CEP89: variants seen among roughly 807,000 people sequenced by gnomAD.
CEP89 encodes centrosomal protein of 89 kDa.
CEP89 carries 95 observed loss-of-function variants against 97.6 expected under a neutral mutation model. The observed-to-expected ratio is 0.97, with a 90% CI of 0.82 to 1.15. CEP89 has a LOEUF of 1.15. CEP89 is among the 50% of genes most tolerant of loss of function. CEP89 has a pLI of 0.00. For synonymous variants in CEP89, 354 were observed against 349.1 expected, an observed-to-expected ratio of 1.01 and a Z score of -0.16; for missense variants, 869 against 947.7, an observed-to-expected ratio of 0.92 and a Z score of 1.09.
In CEP89 at chr19:32,918,364, T is replaced by C. The variant is rs1970174890; in HGVS notation, c.1269-25A>G. On this transcript the variant is annotated intron_variant, in intron 12 of 18. Coordinates refer to ENST00000305768, the MANE Select transcript of CEP89 (RefSeq NM_032816.5). ...CCTGCAATTGATTTACAAGATGAAA[T>C]ACTGTGATTCAGGTGCTGAATGGTT... 4 of 1,542,436 alleles carry C rather than the reference T, an allele frequency of 2.6e-6. No homozygotes were observed. In the African/African-American group the frequency reaches 5.4e-5, roughly 21 times the overall value.
chr19:32,961,571 T>C (rs1599782080), intron 2 of CEP89, among the ~76,000 whole-genome samples: 1 of 103,054 alleles, frequency 9.7e-6, no homozygotes, highest in African/African-American at 4.3e-5. Flanking sequence ...AGAGCGAGAC[T>C]CCATCTCAAA....
chr19:32,915,349 T>C lies in CEP89; in HGVS notation c.1553A>G (p.Asn518Ser). 6.3e-7 allele frequency: 1 copy of C among 1,594,618 alleles called. No individual in the cohort carries two copies. The highest frequency in any genetic ancestry group is 8.5e-7 in the Non-Finnish European group (1 of 1,174,388). Residue 518 changes from asparagine to serine, a missense_variant, in exon 14 of 19, where the codon AAT (asparagine) becomes AGT (serine). Asn to Ser is a conservative substitution (Grantham distance 46, BLOSUM62 1). Coordinates refer to ENST00000305768, the MANE Select transcript of CEP89 (RefSeq NM_032816.5). ...ATTAAATCCTTACCTTTTTAATTCATTCACAATTGATTTATGAACTTCCAC... is the reference window on the plus strand; with the variant it reads ...ATTAAATCCTTACCTTTTTAATTCACTCACAATTGATTTATGAACTTCCAC... ...IAVEVHKSIV[N>S]ELKSQLQKEE...
intron 13 of CEP89, among the ~76,000 whole-genome samples, 162 bp downstream of exon 13, chr19:32,918,062 G>A (rs758388708): frequency 1.5e-4 from 23 of 152,186 alleles, no homozygotes; most frequent in Non-Finnish European, 2.6e-4. Flanking sequence ...TATGCATTGA[G>A]GGTAGTGACG....
chr19:32,937,063 C>T (rs567425286), intron 7 of CEP89: 1 of 156,400 alleles, frequency 6.4e-6, no homozygotes, highest in East Asian at 1.9e-4. Flanking sequence ...CACACTGGCA[C>T]CACAGACATT....
At position 32,953,702 on chromosome 19, in the gene CEP89, G is replaced by C; in HGVS notation, c.405C>G (p.Ser135=). The stretch of plus-strand genomic sequence containing the variant: ...TGACATCCCCCAATTCCTTGCCGCT[G>C]GATGACAGCTGAGTTTCAATGTCCT... The part of the protein sequence containing the change: ...DEEDIETQLS[S]SGKELGDVSA... The change falls in exon 4 of 19, where the codon TCC becomes TCG. Residue 135 remains serine (S), a synonymous_variant. Transcript: ENST00000305768. The C allele has an allele frequency of 3.1e-6, 5 of 1,613,990 alleles. No individual in the cohort carries two copies. Among genetic ancestry groups the C allele is most frequent in the Non-Finnish European group, 4.2e-6 (5 of 1,179,928 alleles).
At chr19:32,882,269 A>G (rs1969299960) in intron 17 of CEP89, among the ~76,000 whole-genome samples, 1 of 152,246 alleles carries the variant, frequency 6.6e-6, no homozygotes, top group African/African-American at 2.4e-5. Flanking sequence ...AAATGAAAAC[A>G]TAAAATATCA....
At chr19:32,943,088 G>A (rs1970722823) in intron 5 of CEP89, among the ~76,000 whole-genome samples, 1 of 152,040 alleles carries the variant, frequency 6.6e-6, no homozygotes, top group African/African-American at 2.4e-5. Context: ...GCCTCCAGCT[G>A]CCAGGCTCAA....
chr19:32,946,537 TTAAG>T (rs1970801508), intron 5 of CEP89, among the ~76,000 whole-genome samples: 1 of 152,164 alleles, frequency 6.6e-6, no homozygotes, highest in South Asian at 2.1e-4. Flanking sequence ...GGGAGCACAA[TTAAG>T]TGTGTTTAGC....
chr19:32,879,139 T>A lies in CEP89; in HGVS notation c.*23A>T. Reference sequence around the variant, plus strand: ...GCAGACCTTTCAGGCCAGAGGAGGCTACACCACGGGCTCCCGCAGATTCTA... The same window carrying A: ...GCAGACCTTTCAGGCCAGAGGAGGCAACACCACGGGCTCCCGCAGATTCTA... On this transcript the variant is annotated 3_prime_UTR_variant, in exon 19 of 19. Coordinates refer to ENST00000305768, the MANE Select transcript of CEP89 (RefSeq NM_032816.5). 6.3e-7 allele frequency: 1 copy of A among 1,580,632 alleles called. No individual in the cohort carries two copies. The highest frequency in any genetic ancestry group is 8.6e-7 in the Non-Finnish European group (1 of 1,160,248).
intron 14 of CEP89, among the ~76,000 whole-genome samples, chr19:32,908,096 G>T (rs1486460133): frequency 1.3e-5 from 2 of 152,198 alleles, no homozygotes; most frequent in African/African-American, 4.8e-5. Context: ...AGCACACTCT[G>T]TGATACCCAC....
chr19:32,896,766 TCTCTCTCTCTCTC>T (rs2145882493), intron 16 of CEP89, among the ~76,000 whole-genome samples: 1 of 150,620 alleles, frequency 6.6e-6, no homozygotes, highest in South Asian at 2.1e-4. Flanking sequence ...GTTCTCTCTG[TCTCTCTCTCTCTC>T]TTTTTTTTTT....
At chr19:32,967,024 A>T (rs189331821) in intron 1 of CEP89, among the ~76,000 whole-genome samples, 88 of 152,200 alleles carry the variant, frequency 5.8e-4, no homozygotes, top group Non-Finnish European at 9.3e-4. Flanking sequence ...ACAGGATCTC[A>T]CTACATTGCC....
intron 11 of CEP89, among the ~76,000 whole-genome samples, chr19:32,924,344 C>T (rs1323580719): frequency 6.6e-6 from 1 of 152,130 alleles, no homozygotes; most frequent in African/African-American, 2.4e-5. Flanking sequence ...TTACTAGCGT[C>T]ATCAGTCTGC....
Position 32,915,534 on chromosome 19 carries a change from G to A in CEP89, c.1385-17C>T, listed in dbSNP as rs752405180. 11 of 1,603,750 alleles carry A rather than the reference G, an allele frequency of 6.9e-6. No individual in the cohort carries two copies. The African/African-American group carries it at 9.4e-5, about 14-fold the overall frequency. On this transcript the variant is annotated splice_polypyrimidine_tract_variant and intron_variant, in intron 13 of 18. Coordinates refer to ENST00000305768, the MANE Select transcript of CEP89 (RefSeq NM_032816.5). ...GCTTAGAAACTGAAAATCAAAAGAG[G>A]AAGATAAAAACTTGGCACAGAAGAC...
Position 32,933,662 on chromosome 19 carries a change from A to T in CEP89, c.675T>A (p.Thr225=). ...CTGTATATCTTTGACGTGCTCTACC[A>T]GTTATATCTGAAAGGGTTCAGGGGA... ...CEKPPPSPDI[T]GRARQRYTEI... The change falls in exon 8 of 19, where the codon ACT becomes ACA. Residue 225 remains threonine, a synonymous_variant. Coordinates refer to ENST00000305768, the MANE Select transcript of CEP89 (RefSeq NM_032816.5). 1.9e-6 allele frequency: 3 copies of T among 1,602,814 alleles called. No individual in the cohort carries two copies. In the South Asian group the frequency reaches 3.3e-5, roughly 18 times the overall value.
chr19:32,896,684 T>TTGAA (rs1969649180), intron 16 of CEP89, among the ~76,000 whole-genome samples: 1 of 151,990 alleles, frequency 6.6e-6, no homozygotes, highest in South Asian at 2.1e-4. Flanking sequence ...AGACAACCTG[T>TTGAA]TGAATGAGAC....
At chr19:32,929,143 G>C (rs1231929570) in intron 9 of CEP89, among the ~76,000 whole-genome samples, 1 of 152,118 alleles carries the variant, frequency 6.6e-6, no homozygotes, top group East Asian at 1.9e-4. Flanking sequence ...AACTCACTAA[G>C]TCATTATGGA....
intron 14 of CEP89, among the ~76,000 whole-genome samples, chr19:32,902,010 C>CTCTCTG (rs1207481256): frequency 2.0e-4 from 27 of 133,734 alleles, no homozygotes; most frequent in African/African-American, 4.6e-4. Flanking sequence ...CTCTCTCTCT[C>CTCTCTG]TGTGTGTGTG....
intron 13 of CEP89, among the ~76,000 whole-genome samples, chr19:32,916,512 A>G (rs1442787200): frequency 6.6e-6 from 1 of 152,204 alleles, no homozygotes; most frequent in Non-Finnish European, 1.5e-5. Flanking sequence ...GACATCAAAC[A>G]TGGCCAAACT....
Sources: allele counts gnomAD v4.1 joint callset (sites outside exome capture counted in the v4.1 genomes callset), GRCh38; gene constraint gnomAD v4.1.1; transcripts MANE v1.5; gene names NCBI Gene and HGNC (gene_info 2026-07-23, HGNC 2026-07-21).